Variants in ARHGEF3 observed in about 807,000 individuals in gnomAD.
ARHGEF3 encodes the protein Rho guanine nucleotide exchange factor 3.
A neutral mutation model predicts 63.2 loss-of-function variants in ARHGEF3; 28 were observed. The ratio of observed to expected loss-of-function variants is 0.44; its 90% CI spans 0.33 to 0.61. ARHGEF3 has a LOEUF of 0.61. Ranked by LOEUF, ARHGEF3 falls within the 20% of genes least tolerant of loss-of-function variation. ARHGEF3 has a pLI of 0.03. For synonymous variants in ARHGEF3, 266 were observed against 254.2 expected, an observed-to-expected ratio of 1.05 and a Z score of -0.44; for missense variants, 533 against 659.3, an observed-to-expected ratio of 0.81 and a Z score of 2.10.
intron 1 of ARHGEF3, among the ~76,000 whole-genome samples, chr3:56,795,655 C>CTCTTTTTTTTTTTTTT (rs57400467): frequency 5.4e-5 from 7 of 130,566 alleles, no homozygotes; most frequent in South Asian, 2.6e-4. Context: ...GTCTCTCTCT[C>CTCTTTTTTTTTTTTTT]TTTTTTTTTT....
rs1345714315 is a variant in ARHGEF3 at position 56,737,013 on chromosome 3, TGA to T, written c.1041+170_1041+171del. Among the ~76,000 whole-genome samples, 11 of 152,180 alleles carry T rather than the reference TGA, an allele frequency of 7.2e-5. No individual in the cohort carries two copies. In the East Asian group the frequency reaches 2.1e-3, roughly 29 times the overall value. Reference sequence around the variant, plus strand: ...GGGAGGCCGAGGCACAAGAATTGCTTGAACCGGGAAGGCAGAGGTTGCAGTGA... The same window carrying T: ...GGGAGGCCGAGGCACAAGAATTGCTTACCGGGAAGGCAGAGGTTGCAGTGA... On this transcript the variant is annotated intron_variant, in intron 8 of 9. Coordinates refer to ENST00000296315, the MANE Select transcript of ARHGEF3 (RefSeq NM_019555.3).
chr3:57,019,042 T>G (rs2107152383), intron 2 of ARHGEF3, among the ~76,000 whole-genome samples: 1 of 152,310 alleles, frequency 6.6e-6, no homozygotes, highest in Admixed American at 6.5e-5. Context: ...GAGTCCAATG[T>G]TAAGCCACCT....
intron 3 of ARHGEF3, among the ~76,000 whole-genome samples, chr3:56,956,150 C>T (rs1297551947): frequency 6.6e-6 from 1 of 152,078 alleles, no homozygotes; most frequent in Admixed American, 6.5e-5. Context: ...GAGGGCTGAA[C>T]CTGAAGTCAA....
intron 4 of ARHGEF3, among the ~76,000 whole-genome samples, chr3:56,821,931 C>T (rs2038510287): frequency 6.7e-6 from 1 of 149,470 alleles, no homozygotes; most frequent in Admixed American, 6.8e-5. Context: ...CCACTGCACT[C>T]CAGCCTGGAC....
intron 2 of ARHGEF3, among the ~76,000 whole-genome samples, chr3:56,986,575 T>C (rs1024228769): frequency 1.3e-5 from 2 of 151,124 alleles, no homozygotes; most frequent in Non-Finnish European, 3.0e-5. Flanking sequence ...GAGTAAGGGG[T>C]TGGGGGGAAG....
At chr3:56,972,305 T>C (rs1205721366) in intron 2 of ARHGEF3, among the ~76,000 whole-genome samples, 2 of 151,998 alleles carry the variant, frequency 1.3e-5, no homozygotes, top group Admixed American at 6.5e-5. Context: ...TTAGACCTCC[T>C]AGGGTTGCTT....
chr3:56,958,851 G>A, exon 3 of ARHGEF3: 1 of 1,551,634 alleles, frequency 6.4e-7, no homozygotes, highest in Non-Finnish European at 8.7e-7. Context: ...TTTAGGAGAG[G>A]GAAACATGGG....
chr3:56,772,190 G>A (rs1381907800), intron 2 of ARHGEF3, among the ~76,000 whole-genome samples: 1 of 152,160 alleles, frequency 6.6e-6, no homozygotes, highest in Non-Finnish European at 1.5e-5. Context: ...CTAATTACGT[G>A]AGGTATTCAT....
At position 56,745,298 on chromosome 3, in the gene ARHGEF3, TG is replaced by T; in HGVS notation, c.776del (p.Pro259GlnfsTer6). Reference sequence around the variant, plus strand: ...GAGGGTATTTTACCAGGCGGCTTCTTGGAATATCGAGGAAATTCCAGAGATC... The same window carrying T: ...GAGGGTATTTTACCAGGCGGCTTCTTGAATATCGAGGAAATTCCAGAGATC... ...KLDLWNFLDIPRSRLVKYPLL... is the reference protein window; with the variant it reads ...KLDLWNFLDIXRSRLVKYPLL... On this transcript the variant is annotated frameshift_variant, in exon 7 of 10. Coordinates refer to ENST00000296315, the MANE Select transcript of ARHGEF3 (RefSeq NM_019555.3). LOFTEE classifies it high-confidence loss of function. The T allele has an allele frequency of 6.2e-7, 1 of 1,614,062 alleles. No individual in the cohort carries two copies. The highest frequency in any genetic ancestry group is 8.5e-7 in the Non-Finnish European group (1 of 1,180,010).
At position 56,915,080 on chromosome 3, in the gene ARHGEF3, AT is replaced by A. The variant is rs201168763; in HGVS notation, c.130-32727del. 6.8e-3 allele frequency among the ~76,000 whole-genome samples: 1,039 copies of A among 152,322 alleles called. 12 individuals are homozygous for A. The highest frequency in any genetic ancestry group is 0.023 in the African/African-American group (971 of 41,564). On this transcript the variant is annotated intron_variant, in intron 3 of 12. Transcript: ENST00000338458. ...AGAATGGTCATACACAAGAGCTGGA[AT>A]TAGGGTTACAGAAATCAGTCCCAGG...
At chr3:56,961,712 T>C (rs1700288668) in intron 2 of ARHGEF3, among the ~76,000 whole-genome samples, 1 of 152,042 alleles carries the variant, frequency 6.6e-6, no homozygotes, top group Non-Finnish European at 1.5e-5. Context: ...CCCACCACCA[T>C]TCAGGCTTCC....
chr3:56,767,149 A>C (rs1279479125), intron 2 of ARHGEF3, among the ~76,000 whole-genome samples: 1 of 140,448 alleles, frequency 7.1e-6, no homozygotes, highest in Non-Finnish European at 1.6e-5. Context: ...TGTCTCTATT[A>C]AAAAAAAAAA....
intron 3 of ARHGEF3, among the ~76,000 whole-genome samples, chr3:56,908,245 C>T (rs1181815165): frequency 6.6e-6 from 1 of 152,276 alleles, no homozygotes; most frequent in East Asian, 1.9e-4. Context: ...AAACAATGCA[C>T]CAGAGAACAA....
intron 1 of ARHGEF3, among the ~76,000 whole-genome samples, chr3:57,062,929 A>C (rs1056288487): frequency 6.6e-6 from 1 of 152,240 alleles, no homozygotes; most frequent in African/African-American, 2.4e-5. Context: ...CCCTGCCCTC[A>C]TGGAATTTAC....
At chr3:56,877,010 G>C (rs2040607175) in intron 4 of ARHGEF3, among the ~76,000 whole-genome samples, 1 of 152,216 alleles carries the variant, frequency 6.6e-6, no homozygotes, top group African/African-American at 2.4e-5. Context: ...TTCCACACAA[G>C]ATACTCAACA....
intron 2 of ARHGEF3, among the ~76,000 whole-genome samples, chr3:56,996,074 G>A (rs1701977068): frequency 6.6e-6 from 1 of 152,140 alleles, no homozygotes; most frequent in Admixed American, 6.5e-5. Flanking sequence ...CAGCCCCCAT[G>A]AGATTGCCTT....
chr3:56,754,837 C>T, intron 3 of ARHGEF3, 144 bp downstream of exon 3: 1 of 1,110,042 alleles, frequency 9.0e-7, no homozygotes, highest in Non-Finnish European at 1.3e-6. Context: ...CAGTTCCTTC[C>T]CCAAGGTCAG....
At chr3:57,066,611 A>G (rs1030297374) in intron 1 of ARHGEF3, among the ~76,000 whole-genome samples, 7 of 152,100 alleles carry the variant, frequency 4.6e-5, no homozygotes, top group Admixed American at 1.3e-4. Context: ...TATTTTACCC[A>G]CTGTGATGAT....
At chr3:56,859,325 G>C (rs1357522729) in intron 4 of ARHGEF3, among the ~76,000 whole-genome samples, 1 of 151,050 alleles carries the variant, frequency 6.6e-6, no homozygotes, top group African/African-American at 2.4e-5. Context: ...TTTTTTAGTA[G>C]AGACAGGGTT....
Sources: allele counts gnomAD v4.1 joint callset (sites outside exome capture counted in the v4.1 genomes callset), GRCh38; gene constraint gnomAD v4.1.1; transcripts MANE v1.5; gene names NCBI Gene and HGNC (gene_info 2026-07-23, HGNC 2026-07-21).